Variants in VWC2 observed in about 807,000 individuals in gnomAD.
VWC2 encodes the protein brorin.
VWC2 carries 14 observed loss-of-function variants against 29.8 expected under a neutral mutation model. The observed-to-expected ratio is 0.47, with a 90% CI of 0.31 to 0.74. The LOEUF is 0.74. VWC2 is among the 30% of genes least tolerant of loss of function. The pLI is 0.05. For synonymous variants in VWC2, 213 were observed against 199.0 expected (o/e 1.07, Z -0.59); for missense variants, 457 against 459.8 (o/e 0.99, Z 0.05).
rs1361282089 is a variant in VWC2, at chr7:49,775,969, C to A, written c.534C>A (p.Cys178Ter). The A allele has an allele frequency of 6.5e-7, 1 of 1,549,668 alleles. No individual in the cohort carries two copies. Among genetic ancestry groups the A allele is most frequent in the South Asian group, 1.2e-5 (1 of 84,554 alleles). Reference sequence around the variant, plus strand: ...CGCCGGGCCCCTCGGCCTGCCCGTGCCTGTGCACCGAGGAGGGGCCGCTGT... The same window carrying A: ...CGCCGGGCCCCTCGGCCTGCCCGTGACTGTGCACCGAGGAGGGGCCGCTGT... Reference protein sequence around the residue: ...KFAPGPSACPCLCTEEGPLCA... With the variant: ...KFAPGPSACP The change falls in exon 2 of 4, where the codon TGC becomes TGA. Residue 178 changes from cysteine (C) to a stop codon, truncating the protein, a stop_gained. Coordinates refer to ENST00000340652, the MANE Select transcript of VWC2 (RefSeq NM_198570.5). LOFTEE classifies it high-confidence loss of function.
intron 3 of VWC2, among the ~76,000 whole-genome samples, chr7:49,911,542 T>C (rs923001041): frequency 6.8e-6 from 1 of 146,760 alleles, no homozygotes; most frequent in Non-Finnish European, 1.5e-5. Flanking sequence ...AAAAGTAGAG[T>C]ATTTCATTAT....
At chr7:49,857,951 A>C (rs761860944) in intron 3 of VWC2, among the ~76,000 whole-genome samples, 12 of 152,222 alleles carry the variant, frequency 7.9e-5, no homozygotes, top group Non-Finnish European at 1.8e-4. Context: ...AGATGAGACC[A>C]CACAGGCTTT....
intron 3 of VWC2, among the ~76,000 whole-genome samples, chr7:49,859,363 CA>C (rs1790556476): frequency 6.6e-6 from 1 of 152,042 alleles, no homozygotes; most frequent in South Asian, 2.1e-4. Context: ...CCTTAGGTAA[CA>C]AGGCTGTTCT....
intron 3 of VWC2, among the ~76,000 whole-genome samples, chr7:49,873,917 AAC>A (rs1791285918): frequency 1.3e-5 from 2 of 151,882 alleles, no homozygotes; most frequent in African/African-American, 4.8e-5. Flanking sequence ...AAAAAAAAAA[AAC>A]AACAAAAAAA....
At chr7:49,850,998 G>A (rs543669523) in intron 3 of VWC2, among the ~76,000 whole-genome samples, 1 of 152,184 alleles carries the variant, frequency 6.6e-6, no homozygotes, top group South Asian at 2.1e-4. Context: ...AGGAATGTCA[G>A]TTTACTCGTC....
Position 49,775,380 on chromosome 7 carries a change from C to A in VWC2, c.-56C>A. On this transcript the variant is annotated 5_prime_UTR_variant, in exon 2 of 4. Coordinates refer to ENST00000340652, the MANE Select transcript of VWC2 (RefSeq NM_198570.5). Reference sequence around the variant, plus strand: ...GCGGCGCGCCCCCGGGCTGTGAATGCGACTCGCCCCTCGGCCGCGCTCCCC... The same window carrying A: ...GCGGCGCGCCCCCGGGCTGTGAATGAGACTCGCCCCTCGGCCGCGCTCCCC... 7.6e-7 allele frequency: 1 copy of A among 1,307,716 alleles called. No individual in the cohort carries two copies. Among genetic ancestry groups the A allele is most frequent in the Non-Finnish European group, 9.7e-7 (1 of 1,027,184 alleles). 81.0% of individuals were successfully genotyped at this position (1,307,716 alleles called of 1,614,324 possible). A position where few individuals can be genotyped will look rare whatever the true frequency, so the allele number is the denominator to read the frequency against.
At chr7:49,790,471 C>A (rs1788441134) in intron 2 of VWC2, among the ~76,000 whole-genome samples, 4 of 152,166 alleles carry the variant, frequency 2.6e-5, no homozygotes, top group Non-Finnish European at 1.5e-5. Context: ...AAAAAAAATT[C>A]TTTTCTGAAT....
At chr7:49,852,818 A>C (rs1278479985) in intron 3 of VWC2, among the ~76,000 whole-genome samples, 1 of 152,158 alleles carries the variant, frequency 6.6e-6, no homozygotes, top group African/African-American at 2.4e-5. Context: ...TTTGGCCATG[A>C]CTTGGACTCC....
chr7:49,805,872 G>C (rs1293418994), intron 3 of VWC2, among the ~76,000 whole-genome samples: 1 of 152,174 alleles, frequency 6.6e-6, no homozygotes, highest in East Asian at 1.9e-4. Context: ...GCATTAAATA[G>C]CTCTTTCTCC....
chr7:49,908,111 G>A (rs1420837782), intron 3 of VWC2, among the ~76,000 whole-genome samples: 1 of 152,224 alleles, frequency 6.6e-6, no homozygotes. Flanking sequence ...AGGGACCACT[G>A]TCTGTCATGT....
chr7:49,822,396 A>G (rs1173402688), intron 3 of VWC2, among the ~76,000 whole-genome samples: 1 of 152,042 alleles, frequency 6.6e-6, no homozygotes, highest in African/African-American at 2.4e-5. Flanking sequence ...CCTGGCCCCA[A>G]GCAGCTGGTG....
At chr7:49,866,570 G>GAAA (rs1477036735) in intron 3 of VWC2, among the ~76,000 whole-genome samples, 121 of 152,322 alleles carry the variant, frequency 7.9e-4, no homozygotes, top group African/African-American at 2.7e-3. Flanking sequence ...GCTTGCCCAT[G>GAAA]TGACTCAGAA....
At chr7:49,880,756 C>A (rs1417714171) in intron 3 of VWC2, among the ~76,000 whole-genome samples, 1 of 151,962 alleles carries the variant, frequency 6.6e-6, no homozygotes, top group African/African-American at 2.4e-5. Flanking sequence ...GGATGCAGCA[C>A]ACCAACATGG....
rs1339679290 is a variant in VWC2 at position 49,877,471 on chromosome 7, A to AAAAAAAT, written c.827-34557_827-34556insTAAAAAA. ...GTAAGAAACTCTGTCTCAAAAAAAA[A>AAAAAAAT]AAAAAAAAAAATATATATATATATA... On this transcript the variant is annotated intron_variant, in intron 3 of 3. Transcript: ENST00000340652. Among the ~76,000 whole-genome samples, 11 of 17,048 alleles carry AAAAAAAT rather than the reference A, an allele frequency of 6.5e-4. 4 individuals carry two copies. The highest frequency in any genetic ancestry group is 2.1e-3 in the South Asian group (1 of 476). 11.2% of individuals were successfully genotyped at this position (17,048 alleles called of 152,430 possible). A position where few individuals can be genotyped will look rare whatever the true frequency, so the allele number is the denominator to read the frequency against.
intron 3 of VWC2, among the ~76,000 whole-genome samples, chr7:49,854,268 G>A (rs1426741226): frequency 6.6e-6 from 1 of 152,006 alleles, no homozygotes; most frequent in East Asian, 1.9e-4. Flanking sequence ...TTTCTAGTTT[G>A]AGATCCTTGA....
chr7:49,779,891 C>T (rs1273822664), intron 2 of VWC2, among the ~76,000 whole-genome samples: 4 of 152,200 alleles, frequency 2.6e-5, no homozygotes, highest in African/African-American at 9.6e-5. Flanking sequence ...GTGTCCACAT[C>T]TCCTCTTCTT....
At position 49,921,572 on chromosome 7, in the gene VWC2, A is replaced by G. The variant is rs1794018741; in HGVS notation, c.*9387A>G. ...CAGTAACATGGGGAGAGTGGTATCA[A>G]CCACTAAGAGGATTAAATGAGTGAA... On this transcript the variant is annotated 3_prime_UTR_variant, in exon 4 of 4. Transcript: ENST00000340652. 1 of 152,164 alleles carries G rather than the reference A, an allele frequency of 6.6e-6. No individual in the cohort carries two copies. The highest frequency in any genetic ancestry group is 6.6e-5 in the Admixed American group (1 of 15,264). The allele number at this position is 152,164 out of a possible 1,614,324, so 9.4% of individuals were successfully genotyped here. A position where few individuals can be genotyped will look rare whatever the true frequency, so the allele number is the denominator to read the frequency against.
At chr7:49,831,929 T>C (rs1364882148) in intron 3 of VWC2, among the ~76,000 whole-genome samples, 6 of 152,236 alleles carry the variant, frequency 3.9e-5, no homozygotes, top group Non-Finnish European at 7.4e-5. Flanking sequence ...GAACCAGGCA[T>C]GGGGAATTGA....
At chr7:49,841,244 T>C (rs2128713558) in intron 3 of VWC2, among the ~76,000 whole-genome samples, 1 of 152,082 alleles carries the variant, frequency 6.6e-6, no homozygotes, top group African/African-American at 2.4e-5. Flanking sequence ...TGAATTCCAC[T>C]TAGGCTTGTG....
Sources: gnomAD v4.1 joint callset for allele counts (sites outside exome capture counted in the v4.1 genomes callset) on GRCh38, gnomAD v4.1.1 for gene constraint, MANE v1.5 for transcripts, NCBI Gene and HGNC (gene_info 2026-07-23, HGNC 2026-07-21) for gene names.